LCORL: variants seen among roughly 807,000 people sequenced by gnomAD.
LCORL encodes ligand dependent nuclear receptor corepressor like, also known as ligand-dependent nuclear receptor corepressor-like protein.
Under a neutral mutation model 141.8 loss-of-function variants are expected in LCORL, and 41 were observed. The ratio of observed to expected loss-of-function variants is 0.29; its 90% CI spans 0.23 to 0.38. The LOEUF is 0.38. Among genes scored for constraint, LCORL ranks in the 10% least tolerant of loss-of-function variants. LCORL has a pLI of 1.00. For synonymous variants in LCORL, 618 were observed against 694.1 expected, an observed-to-expected ratio of 0.89 and a Z score of 1.72; for missense variants, 1,759 against 2,035.0, an observed-to-expected ratio of 0.86 and a Z score of 2.61.
chr4:18,005,813 A>C (rs572306166), intron 1 of LCORL, among the ~76,000 whole-genome samples: 2 of 152,246 alleles, frequency 1.3e-5, no homozygotes, highest in East Asian at 3.9e-4. Context: ...GAGACCATGC[A>C]TCCGGCCCAT....
rs148044380 is a variant in LCORL at position 17,938,913 on chromosome 4, C to T, written c.430+22990G>A. 5.5e-3 allele frequency among the ~76,000 whole-genome samples: 833 copies of T among 152,186 alleles called. 6 individuals carry two copies. Among genetic ancestry groups the T allele is most frequent in the African/African-American group, 0.019 (799 of 41,512 alleles). ...TCTTTACCTACCCTAGGGAGGGCAT[C>T]AGAACTAACACATCTTCAACCTCAC... On this transcript the variant is annotated intron_variant, in intron 4 of 7. Coordinates refer to ENST00000635767, the Ensembl canonical transcript of LCORL.
exon 8 of LCORL, chr4:17,845,857 T>C: frequency 1.9e-6 from 3 of 1,613,242 alleles, no homozygotes; most frequent in Non-Finnish European, 2.5e-6. Context: ...TGCTGTATTC[T>C]CATCAGACAC....
chr4:17,969,984 T>A (rs879411072), intron 2 of LCORL, among the ~76,000 whole-genome samples: 1 of 152,176 alleles, frequency 6.6e-6, no homozygotes, highest in African/African-American at 2.4e-5. Context: ...ATCTTTCGTA[T>A]GTACTTTCAG....
chr4:17,878,174 C>T (rs1415157308), exon 7 of LCORL: 1 of 1,229,628 alleles, frequency 8.1e-7, no homozygotes, highest in African/African-American at 1.6e-5. Context: ...TTCTTTTTTC[C>T]ATTTTAGTAG....
At position 17,947,172 on chromosome 4, in the gene LCORL, G is replaced by A. The variant is rs192653305; in HGVS notation, c.430+14731C>T. On this transcript the variant is annotated intron_variant, in intron 4 of 7. Coordinates refer to ENST00000635767, the Ensembl canonical transcript of LCORL. The stretch of plus-strand genomic sequence containing the variant: ...GTGGTGTGTGTACATATGTGTATGC[G>A]TACACACACACATACAATGGGATAC... Among the ~76,000 whole-genome samples, 29 of 151,996 alleles carry A rather than the reference G, an allele frequency of 1.9e-4. No individual in the cohort carries two copies. The East Asian group carries it at 3.9e-3, about 20-fold the overall frequency.
intron 2 of LCORL, among the ~76,000 whole-genome samples, chr4:17,965,120 A>G (rs555250492): frequency 5.3e-5 from 8 of 152,276 alleles, no homozygotes; most frequent in Admixed American, 2.6e-4. Context: ...ATTACAACAA[A>G]TGTTTACACA....
At chr4:17,872,541 G>A (rs1314607222) in intron 7 of LCORL, among the ~76,000 whole-genome samples, 1 of 152,112 alleles carries the variant, frequency 6.6e-6, no homozygotes, top group Non-Finnish European at 1.5e-5. Flanking sequence ...ACGGGCTGTG[G>A]GTTGGACAAG....
chr4:18,008,876 A>G (rs1723223578), intron 1 of LCORL, among the ~76,000 whole-genome samples: 1 of 152,176 alleles, frequency 6.6e-6, no homozygotes, highest in South Asian at 2.1e-4. Flanking sequence ...TTATGTTTTA[A>G]CAATCTTTAA....
intron 7 of LCORL, among the ~76,000 whole-genome samples, chr4:17,865,922 T>A (rs1725589035): frequency 6.6e-6 from 1 of 152,216 alleles, no homozygotes; most frequent in Non-Finnish European, 1.5e-5. Flanking sequence ...GGAGATCTTC[T>A]AGAAAGCAAA....
At chr4:18,013,965 G>C (rs1402427980) in intron 1 of LCORL, among the ~76,000 whole-genome samples, 1 of 151,946 alleles carries the variant, frequency 6.6e-6, no homozygotes, top group East Asian at 1.9e-4. Flanking sequence ...GTGCCACCAT[G>C]CCCAGCTAAT....
chr4:17,865,912 G>T (rs1725587118), intron 7 of LCORL, among the ~76,000 whole-genome samples: 1 of 152,082 alleles, frequency 6.6e-6, no homozygotes. Context: ...ATGCAACCAG[G>T]GAGATCTTCT....
At chr4:17,986,644 G>T (rs1719025622) in intron 1 of LCORL, among the ~76,000 whole-genome samples, 1 of 151,942 alleles carries the variant, frequency 6.6e-6, no homozygotes, top group Admixed American at 6.6e-5. Flanking sequence ...TGTTTATACT[G>T]GCTACTTTGT....
intron 7 of LCORL, 73 bp from the exon 8 acceptor site, chr4:17,845,974 T>G (rs1255572653): frequency 3.9e-6 from 5 of 1,289,888 alleles, no homozygotes; most frequent in South Asian, 1.4e-5. Flanking sequence ...TAAAAGAACA[T>G]TTAGTTGTAG....
Position 18,021,852 on chromosome 4 carries a change from AG to A in LCORL, c.-102del, listed in dbSNP as rs570498716. On this transcript the variant is annotated 5_prime_UTR_variant, in exon 1 of 8. Coordinates refer to ENST00000635767, the Ensembl canonical transcript of LCORL. This position sits in a 1 kb window ranked among gnomAD's most constrained non-coding sequence, Gnocchi z 5.5. The stretch of plus-strand genomic sequence containing the variant: ...GAGCCCCGGAGCGCGCGCCCCCCGG[AG>A]GGGGGTTGATTGACACGTGTCACTA... 3.6e-4 allele frequency: 480 copies of A among 1,322,836 alleles called. No individual in the cohort carries two copies. The highest frequency in any genetic ancestry group is 4.5e-4 in the Admixed American group (13 of 29,000). 81.9% of individuals were successfully genotyped at this position (1,322,836 alleles called of 1,614,324 possible).
At chr4:17,939,219 C>A (rs982376144) in intron 4 of LCORL, among the ~76,000 whole-genome samples, 1 of 152,062 alleles carries the variant, frequency 6.6e-6, no homozygotes, top group Non-Finnish European at 1.5e-5. Flanking sequence ...CAATTTAAAG[C>A]AAAATGAGAT....
chr4:17,923,722 T>C (rs1000361778), intron 4 of LCORL, among the ~76,000 whole-genome samples: 29 of 151,872 alleles, frequency 1.9e-4, no homozygotes, highest in Admixed American at 5.9e-4. Context: ...TGGTTTAATG[T>C]AGAGGAAGGG....
At chr4:17,947,069 T>C (rs1738997090) in intron 4 of LCORL, among the ~76,000 whole-genome samples, 1 of 152,028 alleles carries the variant, frequency 6.6e-6, no homozygotes, top group African/African-American at 2.4e-5. Flanking sequence ...CCCATGTTCA[T>C]TGTAGCATTA....
At chr4:17,941,268 C>A (rs150644404) in intron 4 of LCORL, among the ~76,000 whole-genome samples, 298 of 152,074 alleles carry the variant, frequency 2.0e-3, no homozygotes, top group African/African-American at 6.7e-3. Context: ...CCCACCTACT[C>A]GGGAGGCTGA....
At chr4:17,966,017 T>C (rs967213675) in intron 2 of LCORL, among the ~76,000 whole-genome samples, 1 of 152,122 alleles carries the variant, frequency 6.6e-6, no homozygotes, top group Non-Finnish European at 1.5e-5. Context: ...ACTGTATTGG[T>C]CTGAGGGAAA....
Sources: allele counts gnomAD v4.1 joint callset (sites outside exome capture counted in the v4.1 genomes callset), GRCh38; gene constraint gnomAD v4.1.1; non-coding constraint Gnocchi (gnomAD v3.1); transcripts MANE v1.5; gene names NCBI Gene and HGNC (gene_info 2026-07-23, HGNC 2026-07-21).